The following ILRUN variants were observed in gnomAD, a reference collection of about 807,000 sequenced individuals.
ILRUN encodes protein ILRUN.
Under a neutral mutation model 33.8 loss-of-function variants are expected in ILRUN, and 3 were observed. The ratio of observed to expected loss-of-function variants is 0.09; its 90% confidence interval spans 0.04 to 0.23. The LOEUF (loss-of-function observed/expected upper bound fraction) is 0.23, where lower values mean the gene tolerates loss of function less well. ILRUN is among the 10% of genes least tolerant of loss of function. The pLI is 1.00. For missense variants in ILRUN, 210 were observed against 375.1 expected (o/e 0.56, Z 3.64); for synonymous variants, 124 against 138.9 (o/e 0.89, Z 0.75).
intron 3 of ILRUN, among the ~76,000 whole-genome samples, chr6:34,636,646 A>G (rs1033878805): frequency 6.6e-6 from 1 of 152,246 alleles, no homozygotes; most frequent in Non-Finnish European, 1.5e-5. Context: ...TATAAACTGT[A>G]TCAAAAACTA....
chr6:34,659,365 G>A lies in ILRUN; in HGVS notation c.159-4586C>T, dbSNP rs535902386. Among the ~76,000 whole-genome samples, 9 of 152,258 alleles carry A rather than the reference G, an allele frequency of 5.9e-5. No individual in the cohort carries two copies. In the East Asian group the frequency reaches 7.7e-4, roughly 13 times the overall value. On this transcript the variant is annotated intron_variant, in intron 1 of 4. Transcript: ENST00000374023. Reference sequence around the variant, plus strand: ...TGAGGCTACTGAGGCACTGACAGGCGAGGTTAATTTGCCCTAGGCTAGGCA... The same window carrying A: ...TGAGGCTACTGAGGCACTGACAGGCAAGGTTAATTTGCCCTAGGCTAGGCA...
intron 3 of ILRUN, among the ~76,000 whole-genome samples, chr6:34,634,498 T>C (rs889573852): frequency 6.6e-6 from 1 of 151,754 alleles, no homozygotes; most frequent in African/African-American, 2.4e-5. Context: ...GAACACAGAA[T>C]AGAGAAAAAC....
chr6:34,606,280 G>A (rs1282124835), intron 4 of ILRUN, among the ~76,000 whole-genome samples: 1 of 152,068 alleles, frequency 6.6e-6, no homozygotes. Flanking sequence ...AATACTAAAG[G>A]TAAAGAACTT....
At chr6:34,666,112 A>G (rs1442937376) in intron 1 of ILRUN, among the ~76,000 whole-genome samples, 4 of 152,236 alleles carry the variant, frequency 2.6e-5, no homozygotes, top group African/African-American at 9.6e-5. Flanking sequence ...CTAATATATG[A>G]TGGGCAAAGA....
chr6:34,629,370 T>C (rs1195169674), intron 3 of ILRUN, among the ~76,000 whole-genome samples: 1 of 152,204 alleles, frequency 6.6e-6, no homozygotes, highest in Admixed American at 6.5e-5. Flanking sequence ...AATTATCCTA[T>C]GTTGGCCATG....
At chr6:34,634,745 TA>T (rs1657593465) in intron 3 of ILRUN, among the ~76,000 whole-genome samples, 1 of 152,206 alleles carries the variant, frequency 6.6e-6, no homozygotes, top group South Asian at 2.1e-4. Flanking sequence ...TGAAATAGAT[TA>T]CCTTAATAGA....
In ILRUN at chr6:34,606,724, C is replaced by G. The variant is rs754458960; in HGVS notation, c.692G>C (p.Gly231Ala). Residue 231 changes from glycine (G) to alanine (A), a missense_variant, in exon 4 of 5, where the codon GGG becomes GCG. Transcript: ENST00000374023. ...GCTGATCGAGTCGAACTCGGAGCCCCCAGGGTCTTTTAAGTTGTTTTCATC... is the reference window on the plus strand; with the variant it reads ...GCTGATCGAGTCGAACTCGGAGCCCGCAGGGTCTTTTAAGTTGTTTTCATC... ...QSDENNLKDP[G>A]GSEFDSISKN... The G allele has an allele frequency of 6.2e-7, 1 of 1,614,094 alleles. No homozygotes were observed. Among genetic ancestry groups the G allele is most frequent in the African/African-American group, 1.3e-5 (1 of 74,996 alleles).
At position 34,655,942 on chromosome 6, in the gene ILRUN, C is replaced by A. The variant is rs370753768; in HGVS notation, c.159-1163G>T. Among the ~76,000 whole-genome samples, 132 of 152,108 alleles carry A rather than the reference C, an allele frequency of 8.7e-4. 2 individuals carry two copies. Among genetic ancestry groups the A allele is most frequent in the Middle Eastern group, 6.8e-3 (2 of 294 alleles). Reference sequence around the variant, plus strand: ...GAGTATCTTTTTACAGGTTTAAGAGCCATTTGTAAAGGCTGGGCTCAGTGG... The same window carrying A: ...GAGTATCTTTTTACAGGTTTAAGAGACATTTGTAAAGGCTGGGCTCAGTGG... On this transcript the variant is annotated intron_variant, in intron 1 of 4. Coordinates refer to ENST00000374023, the MANE Select transcript of ILRUN (RefSeq NM_024294.4).
intron 1 of ILRUN, among the ~76,000 whole-genome samples, chr6:34,657,384 T>C (rs942732935): frequency 6.6e-6 from 1 of 152,202 alleles, no homozygotes; most frequent in Non-Finnish European, 1.5e-5. Flanking sequence ...GTAGGAACAC[T>C]AGTAAGTGGG....
intron 3 of ILRUN, among the ~76,000 whole-genome samples, chr6:34,619,287 C>G (rs1383111765): frequency 6.6e-6 from 1 of 151,950 alleles, no homozygotes; most frequent in Non-Finnish European, 1.5e-5. Context: ...TCAGTAGGTA[C>G]ACAGAATATA....
At chr6:34,609,000 G>A (rs1356699736) in intron 3 of ILRUN, among the ~76,000 whole-genome samples, 1 of 152,188 alleles carries the variant, frequency 6.6e-6, no homozygotes, top group Non-Finnish European at 1.5e-5. Context: ...ACACAAATAC[G>A]AAGAACTGTC....
chr6:34,653,345 C>T (rs1434941532), intron 2 of ILRUN, among the ~76,000 whole-genome samples: 1 of 151,934 alleles, frequency 6.6e-6, no homozygotes, highest in Non-Finnish European at 1.5e-5. Context: ...ATTCTCCTGC[C>T]TCAGCCTCCC....
intron 2 of ILRUN, among the ~76,000 whole-genome samples, chr6:34,647,532 C>T (rs1243024214): frequency 6.6e-6 from 1 of 152,026 alleles, no homozygotes; most frequent in Non-Finnish European, 1.5e-5. Context: ...TCAATCAGAC[C>T]TGTCAAAGGG....
chr6:34,636,626 A>G (rs1762372851), intron 3 of ILRUN, among the ~76,000 whole-genome samples: 1 of 152,224 alleles, frequency 6.6e-6, no homozygotes, highest in Middle Eastern at 3.2e-3. Context: ...TCTAAACAAT[A>G]ATTAAGGAAT....
intron 1 of ILRUN, among the ~76,000 whole-genome samples, chr6:34,662,452 G>A (rs1762909454): frequency 6.6e-6 from 1 of 152,184 alleles, no homozygotes; most frequent in Admixed American, 6.5e-5. Flanking sequence ...CGTGTTCAGA[G>A]CAGCATTATT....
intron 3 of ILRUN, among the ~76,000 whole-genome samples, chr6:34,612,082 C>T (rs925354896): frequency 5.3e-5 from 8 of 152,150 alleles, no homozygotes; most frequent in African/African-American, 1.7e-4. Flanking sequence ...AATGGAGACC[C>T]TGATTCTAAA....
At chr6:34,690,952 T>C (rs1763637507) in intron 1 of ILRUN, among the ~76,000 whole-genome samples, 1 of 152,166 alleles carries the variant, frequency 6.6e-6, no homozygotes. Context: ...TGGCGTGATC[T>C]CGGCTCACTG....
chr6:34,642,623 A>G (rs987973217), intron 3 of ILRUN, among the ~76,000 whole-genome samples: 3 of 152,110 alleles, frequency 2.0e-5, no homozygotes, highest in Non-Finnish European at 2.9e-5. Context: ...AGCAAAGGTC[A>G]TGGCAACAAA....
At chr6:34,659,820 C>T (rs748935497) in intron 1 of ILRUN, among the ~76,000 whole-genome samples, 3 of 151,728 alleles carry the variant, frequency 2.0e-5, no homozygotes, top group South Asian at 4.2e-4. Context: ...GGGGTTTCTC[C>T]ATGTTGGTCA....
Sources: allele counts gnomAD v4.1 joint callset (sites outside exome capture counted in the v4.1 genomes callset), GRCh38; gene constraint gnomAD v4.1.1; transcripts MANE v1.5; gene names NCBI Gene and HGNC (gene_info 2026-07-23, HGNC 2026-07-21).